TAF5L: variants seen among roughly 807,000 people sequenced by gnomAD.
The protein encoded by TAF5L is TATA-box binding protein associated factor 5 like, also known as TAF5-like RNA polymerase II p300/CBP-associated factor-associated factor 65 kDa subunit 5L.
TAF5L carries 7 observed loss-of-function variants against 51.3 expected under a neutral mutation model. That is an observed-to-expected ratio of 0.14 (90% confidence interval 0.08 to 0.26). The LOEUF is 0.26. Among genes scored for constraint, TAF5L ranks in the 10% least tolerant of loss-of-function variants. TAF5L has a pLI of 1.00. For synonymous variants in TAF5L, 291 were observed against 308.1 expected (o/e 0.94, Z 0.58); for missense variants, 575 against 758.9 (o/e 0.76, Z 2.85).
chr1:229,610,463 T>A (rs1459841100), intron 2 of TAF5L, among the ~76,000 whole-genome samples: 1 of 152,152 alleles, frequency 6.6e-6, no homozygotes, highest in Non-Finnish European at 1.5e-5. Context: ...ATAAGGTGAA[T>A]GAGAGAGGAC....
rs1357586120 is a variant in TAF5L at position 229,606,958 on chromosome 1, T to C, written c.247+3148A>G. ...CCTAGTATCTTCCTTTGAGATTTTATCACTTCTTAAGACTTTAATTTGCAT... is the reference window on the plus strand; with the variant it reads ...CCTAGTATCTTCCTTTGAGATTTTACCACTTCTTAAGACTTTAATTTGCAT... On this transcript the variant is annotated intron_variant, in intron 3 of 4. Coordinates refer to ENST00000258281, the Ensembl canonical transcript of TAF5L. 3 of 985,338 alleles carry C rather than the reference T, an allele frequency of 3.0e-6. No homozygotes were observed. In the East Asian group the frequency reaches 3.4e-4, roughly 112 times the overall value. 61.0% of individuals were successfully genotyped at this position (985,338 alleles called of 1,614,324 possible). A position where few individuals can be genotyped will look rare whatever the true frequency, so the allele number is the denominator to read the frequency against.
rs1427033733 is a variant in TAF5L, at chr1:229,614,575, A to G, written c.-3-90T>C. The G allele has an allele frequency of 1.7e-5, 26 of 1,520,686 alleles. 1 individual carries two copies. The African/African-American group carries it at 1.8e-4, about 10-fold the overall frequency. The allele number at this position is 1,520,686 out of a possible 1,614,324, so 94.2% of individuals were successfully genotyped here. ...GCACCATCGCAGATGGGTAGGACAC[A>G]TGGGAGAGAAAGACCAGCCATGTGG... is the stretch of plus-strand genomic sequence containing the variant. On this transcript the variant is annotated intron_variant, in intron 1 of 4. Coordinates refer to ENST00000258281, the Ensembl canonical transcript of TAF5L.
chr1:229,602,300 G>C lies in TAF5L; in HGVS notation c.867C>G (p.Asn289Lys), dbSNP rs1233260678. 2 of 1,614,176 alleles carry C rather than the reference G, an allele frequency of 1.2e-6. No homozygotes were observed. The highest frequency in any genetic ancestry group is 2.2e-5 in the East Asian group (1 of 44,886). ...GTAAACTCCAAAGTTTTATACAGGA[G>C]TTGTCAAACCCAGCAGCAAGCAGCT... The change falls in exon 4 of 5, where the codon AAC becomes AAG. Residue 289 changes from asparagine (N) to lysine (K), a missense_variant. Physicochemically the swap from Asn to Lys is moderately conservative, Grantham distance 94. Transcript: ENST00000258281. The surrounding 1 kb of genome is among the most constrained non-coding windows in gnomAD (Gnocchi z 4.6).
intron 2 of TAF5L, among the ~76,000 whole-genome samples, chr1:229,610,525 A>C (rs1228737216): frequency 1.3e-5 from 2 of 152,194 alleles, no homozygotes; most frequent in Non-Finnish European, 2.9e-5. Flanking sequence ...CTATGTTCTG[A>C]CATTTCACAG....
intron 2 of TAF5L, among the ~76,000 whole-genome samples, chr1:229,610,615 A>G (rs1673086016): frequency 6.6e-6 from 1 of 152,202 alleles, no homozygotes; most frequent in Admixed American, 6.5e-5. Flanking sequence ...CATGTCTTCT[A>G]GTTCTGTGAA....
intron 4 of TAF5L, among the ~76,000 whole-genome samples, chr1:229,598,590 A>G (rs112097718): frequency 6.6e-6 from 1 of 152,212 alleles, no homozygotes; most frequent in Non-Finnish European, 1.5e-5. Context: ...GAAAAGAAAG[A>G]AGAGCAAATC....
intron 1 of TAF5L, among the ~76,000 whole-genome samples, chr1:229,621,784 A>G (rs1477326177): frequency 6.6e-6 from 1 of 152,254 alleles, no homozygotes; most frequent in East Asian, 1.9e-4. Context: ...AAGGCAATAT[A>G]TTAATTCACT....
At chr1:229,615,369 G>A (rs993305515) in intron 1 of TAF5L, among the ~76,000 whole-genome samples, 2 of 151,920 alleles carry the variant, frequency 1.3e-5, no homozygotes, top group African/African-American at 2.4e-5. Context: ...TTACAGGCGT[G>A]AGCCACCGCG....
Position 229,607,006 on chromosome 1 carries a change from G to A in TAF5L, c.247+3100C>T, listed in dbSNP as rs377384829. 35 of 985,362 alleles carry A rather than the reference G, an allele frequency of 3.6e-5. No homozygotes were observed. The East Asian group carries it at 1.2e-3, about 35-fold the overall frequency. The allele number at this position is 985,362 out of a possible 1,614,324, so 61.0% of individuals were successfully genotyped here. ...CATCTCCATGTAGCTGATGCTACAT[G>A]TTCTTTATTACAAGTCTTTATCTTT... On this transcript the variant is annotated intron_variant, in intron 3 of 4. Coordinates refer to ENST00000258281, the Ensembl canonical transcript of TAF5L.
Position 229,623,779 on chromosome 1 carries a change from GGGAAA to G in TAF5L, c.-4+2101_-4+2105del. The stretch of plus-strand genomic sequence containing the variant: ...ATGAGGTAGGTAACGTTCTTCAGAT[GGGAAA>G]GCTGAGGCGCAAAGAAGTTACACAG... On this transcript the variant is annotated intron_variant, in intron 1 of 4. Transcript: ENST00000258281. Among the ~76,000 whole-genome samples, 4 of 152,356 alleles carry G rather than the reference GGGAAA, an allele frequency of 2.6e-5. No individual in the cohort carries two copies. In the East Asian group the frequency reaches 7.7e-4, roughly 29 times the overall value.
At chr1:229,618,696 TG>T (rs2102764796) in intron 1 of TAF5L, among the ~76,000 whole-genome samples, 1 of 152,298 alleles carries the variant, frequency 6.6e-6, no homozygotes, top group East Asian at 1.9e-4. Flanking sequence ...GCTGTCAGTG[TG>T]GAACTCTAGT....
intron 1 of TAF5L, among the ~76,000 whole-genome samples, chr1:229,621,992 G>A (rs370604075): frequency 2.6e-5 from 4 of 152,146 alleles, no homozygotes; most frequent in East Asian, 3.9e-4. Context: ...CTGTTCGGGT[G>A]AGCAGAACTT....
intron 4 of TAF5L, chr1:229,599,156 T>G: frequency 5.3e-5 from 35 of 665,128 alleles, no homozygotes; most frequent in Non-Finnish European, 6.0e-5. Flanking sequence ...TTAACCTAGA[T>G]GATCTTTAAG....
chr1:229,616,882 C>A (rs1429655956), intron 1 of TAF5L, among the ~76,000 whole-genome samples: 2 of 152,012 alleles, frequency 1.3e-5, no homozygotes, highest in Non-Finnish European at 2.9e-5. Context: ...CCAAAGAGTT[C>A]AAAATATTTG....
At chr1:229,608,933 G>A (rs1413292332) in intron 3 of TAF5L, among the ~76,000 whole-genome samples, 1 of 152,166 alleles carries the variant, frequency 6.6e-6, no homozygotes, top group East Asian at 1.9e-4. Context: ...GATCTCAGAA[G>A]GTCAAGGCTG....
intron 1 of TAF5L, among the ~76,000 whole-genome samples, chr1:229,617,394 T>C (rs1188803376): frequency 6.6e-6 from 1 of 152,210 alleles, no homozygotes; most frequent in Non-Finnish European, 1.5e-5. Flanking sequence ...CTACAGCTGC[T>C]TTTCATCTAA....
Position 229,602,996 on chromosome 1 carries a change from C to G in TAF5L, c.248-77G>C. ...ACGTGATCCCTCCTGGGGATCACCA[C>G]CATCATATAATGCTTTCTTGCCAGG... is the stretch of plus-strand genomic sequence containing the variant. On this transcript the variant is annotated intron_variant, in intron 3 of 4. Coordinates refer to ENST00000258281, the Ensembl canonical transcript of TAF5L. This position sits in a 1 kb window ranked among gnomAD's most constrained non-coding sequence, Gnocchi z 4.6. The G allele has an allele frequency of 6.7e-7, 1 of 1,483,756 alleles. No homozygotes were observed. The highest frequency in any genetic ancestry group is 8.9e-7 in the Non-Finnish European group (1 of 1,126,826). The allele number at this position is 1,483,756 out of a possible 1,614,324, so 91.9% of individuals were successfully genotyped here.
chr1:229,598,680 T>C (rs2041583523), intron 4 of TAF5L, among the ~76,000 whole-genome samples: 1 of 149,308 alleles, frequency 6.7e-6, no homozygotes, highest in South Asian at 2.2e-4. Context: ...GGGGTAAGGG[T>C]TGGATATCTC....
intron 1 of TAF5L, among the ~76,000 whole-genome samples, chr1:229,621,241 TG>T (rs1665190963): frequency 6.6e-6 from 1 of 152,264 alleles, no homozygotes; most frequent in South Asian, 2.1e-4. Flanking sequence ...TGACATTACC[TG>T]GTGAAACTAA....
Sources: allele counts gnomAD v4.1 joint callset (sites outside exome capture counted in the v4.1 genomes callset), GRCh38; gene constraint gnomAD v4.1.1; non-coding constraint Gnocchi (gnomAD v3.1); transcripts MANE v1.5; gene names NCBI Gene and HGNC (gene_info 2026-07-23, HGNC 2026-07-21).